The following ABHD12 variants were observed in gnomAD, a reference collection of about 807,000 sequenced individuals.
The protein encoded by ABHD12 is abhydrolase domain containing 12, lysophospholipase.
A neutral mutation model predicts 58.3 loss-of-function variants in ABHD12; 43 were observed. The observed-to-expected ratio is 0.74, with a 90% CI of 0.58 to 0.95. The LOEUF is 0.95. Among genes scored for constraint, ABHD12 ranks in the 40% least tolerant of loss-of-function variants. The pLI is 0.00. For missense variants in ABHD12, 539 were observed against 537.2 expected, an observed-to-expected ratio of 1.00 and a Z score of -0.03; for synonymous variants, 219 against 211.2, an observed-to-expected ratio of 1.04 and a Z score of -0.32.
At chr20:25,380,841 C>A (rs1175308613) in intron 1 of ABHD12, among the ~76,000 whole-genome samples, 1 of 152,160 alleles carries the variant, frequency 6.6e-6, no homozygotes, top group Non-Finnish European at 1.5e-5. Context: ...GAACTCTATC[C>A]CCTATCCACC....
rs1568707702 is a variant in ABHD12, at chr20:25,300,512, C to T, written c.*333G>A. On this transcript the variant is annotated 3_prime_UTR_variant, in exon 13 of 13. Transcript: ENST00000339157. ...GGTCCCGAGCCCCAAGAGTCCCCTG[C>T]CCGGACTCCCCCTGTCCAGCTCAGT... 1.5e-6 allele frequency: 2 copies of T among 1,313,306 alleles called. No homozygotes were observed. Among genetic ancestry groups the T allele is most frequent in the Non-Finnish European group, 2.0e-6 (2 of 1,024,580 alleles). The allele number at this position is 1,313,306 out of a possible 1,614,324, so 81.4% of individuals were successfully genotyped here.
Position 25,378,407 on chromosome 20 carries a change from T to C in ABHD12, c.191+12106A>G, listed in dbSNP as rs78562400. 6.6e-3 allele frequency among the ~76,000 whole-genome samples: 1,000 copies of C among 152,292 alleles called. 16 individuals are homozygous for C. Among genetic ancestry groups the C allele is most frequent in the African/African-American group, 0.023 (957 of 41,544 alleles). On this transcript the variant is annotated intron_variant, in intron 1 of 12. Coordinates refer to ENST00000339157, the MANE Select transcript of ABHD12 (RefSeq NM_001042472.3). ...ACTGAATAAAATGACCTATGGGCAC[T>C]TGGCATTGACAGGGCCACTTTCAGG...
chr20:25,386,709 C>G (rs1026093019), intron 1 of ABHD12, among the ~76,000 whole-genome samples: 1 of 151,882 alleles, frequency 6.6e-6, no homozygotes, highest in Non-Finnish European at 1.5e-5. Flanking sequence ...GGCAAAATCC[C>G]GTCTCCATTA....
chr20:25,336,243 C>T (rs764310100), intron 2 of ABHD12, among the ~76,000 whole-genome samples: 4 of 151,876 alleles, frequency 2.6e-5, no homozygotes, highest in Non-Finnish European at 5.9e-5. Flanking sequence ...AGGAAATAAA[C>T]TACGGTGTTA....
At chr20:25,379,753 G>A (rs1357655000) in intron 1 of ABHD12, among the ~76,000 whole-genome samples, 2 of 152,074 alleles carry the variant, frequency 1.3e-5, no homozygotes, top group African/African-American at 2.4e-5. Context: ...TTTTGAGACA[G>A]GGTGTCACTC....
intron 2 of ABHD12, among the ~76,000 whole-genome samples, chr20:25,326,813 G>A (rs1290445743): frequency 1.3e-5 from 2 of 152,028 alleles, no homozygotes; most frequent in Non-Finnish European, 2.9e-5. Context: ...AGTTTGGAAG[G>A]ACTAAATCTT....
intron 3 of ABHD12, 101 bp from the exon 4 acceptor site, chr20:25,320,419 C>G (rs1426507467): frequency 6.6e-7 from 1 of 1,506,826 alleles, no homozygotes; most frequent in Non-Finnish European, 9.1e-7. Context: ...GTCCAGACAG[C>G]AGGGAGCTGC....
rs1400220800 is a variant in ABHD12, at chr20:25,375,421, C to G, written c.191+15092G>C. On this transcript the variant is annotated intron_variant, in intron 1 of 12. Transcript: ENST00000339157. ...TCTTTTCAGACAGTTCTTTCCCCAG[C>G]CACAGAGAGTTTCCTCACACACGTG... 5.3e-5 allele frequency among the ~76,000 whole-genome samples: 8 copies of G among 152,214 alleles called. No individual in the cohort carries two copies. The East Asian group carries it at 1.5e-3, about 29-fold the overall frequency.
At chr20:25,362,625 G>A (rs1460912397) in intron 1 of ABHD12, among the ~76,000 whole-genome samples, 1 of 149,690 alleles carries the variant, frequency 6.7e-6, no homozygotes, top group Non-Finnish European at 1.5e-5. Flanking sequence ...GGACAGGGGA[G>A]GGGAGGGGAG....
intron 1 of ABHD12, among the ~76,000 whole-genome samples, chr20:25,381,246 G>A (rs577500629): frequency 4.1e-4 from 62 of 152,236 alleles, no homozygotes; most frequent in African/African-American, 1.3e-3. Flanking sequence ...CACAGCCACA[G>A]GGCCTCATCT....
At chr20:25,307,709 A>G (rs1600768899) in intron 9 of ABHD12, among the ~76,000 whole-genome samples, 1 of 152,222 alleles carries the variant, frequency 6.6e-6, no homozygotes, top group Non-Finnish European at 1.5e-5. Flanking sequence ...AGTCGATGAC[A>G]CCACGTGAGC....
chr20:25,343,182 C>G (rs573465303), intron 1 of ABHD12, among the ~76,000 whole-genome samples: 1 of 152,152 alleles, frequency 6.6e-6, no homozygotes, highest in Non-Finnish European at 1.5e-5. Flanking sequence ...TCTGAACATG[C>G]CTGTTTCTAT....
At chr20:25,295,630 C>T, downstream of ABHD12, 1 of 1,614,070 alleles carries the variant, frequency 6.2e-7, no homozygotes, top group Non-Finnish European at 8.5e-7. Context: ...GACTATGAAG[C>T]CTACATGCAG....
intron 1 of ABHD12, among the ~76,000 whole-genome samples, chr20:25,382,345 A>G (rs2090031933): frequency 1.3e-5 from 2 of 151,856 alleles, no homozygotes; most frequent in African/African-American, 4.8e-5. Flanking sequence ...GTGGCACGAG[A>G]TAGATGGCTT....
downstream of ABHD12, chr20:25,296,281 G>C (rs1349628554): frequency 2.4e-5 from 36 of 1,514,794 alleles, no homozygotes; most frequent in South Asian, 1.9e-4. Context: ...GAGCTCATTT[G>C]GAAACAGTCC....
chr20:25,341,851 C>A (rs1469312765), intron 1 of ABHD12, among the ~76,000 whole-genome samples: 5 of 152,140 alleles, frequency 3.3e-5, no homozygotes, highest in Non-Finnish European at 7.4e-5. Context: ...AGCCTGCAAT[C>A]AAGTGTGCCA....
At chr20:25,314,865 T>G in intron 6 of ABHD12, 60 bp downstream of exon 6, 1 of 1,590,666 alleles carries the variant, frequency 6.3e-7, no homozygotes, top group African/African-American at 1.3e-5. Flanking sequence ...GGCCTGCCCA[T>G]GGGATACCGC....
chr20:25,368,339 C>T lies in ABHD12; in HGVS notation c.191+22174G>A, dbSNP rs923387534. On this transcript the variant is annotated intron_variant, in intron 1 of 12. Transcript: ENST00000339157. ...GGTCTTGCCATTCCTGGAACCACAG[C>T]GCTCCATGGCCTCCACAATATTCTT... 19 of 1,543,862 alleles carry T rather than the reference C, an allele frequency of 1.2e-5. No homozygotes were observed. The South Asian group carries it at 1.3e-4, about 11-fold the overall frequency.
At chr20:25,352,235 A>T (rs911400045) in intron 1 of ABHD12, among the ~76,000 whole-genome samples, 12 of 151,122 alleles carry the variant, frequency 7.9e-5, no homozygotes. Flanking sequence ...CATGTGATCC[A>T]CTCGCCTTGG....
Sources: gnomAD v4.1 joint callset for allele counts (sites outside exome capture counted in the v4.1 genomes callset) on GRCh38, gnomAD v4.1.1 for gene constraint, MANE v1.5 for transcripts, NCBI Gene and HGNC (gene_info 2026-07-23, HGNC 2026-07-21) for gene names.